The following GLT1D1 variants were observed in gnomAD, a reference collection of about 807,000 sequenced individuals.
GLT1D1 encodes glycosyltransferase 1 domain containing 1, also known as glycosyltransferase 1 domain-containing protein 1.
GLT1D1 carries 21 observed loss-of-function variants against 28.7 expected under a neutral mutation model. That is an observed-to-expected ratio of 0.73 (90% CI 0.52 to 1.05). GLT1D1 has a LOEUF of 1.05. Among genes scored for constraint, GLT1D1 ranks in the 50% least tolerant of loss-of-function variants. The pLI, the probability that GLT1D1 is intolerant of heterozygous loss-of-function variation, is 0.00. For synonymous variants in GLT1D1, 147 were observed against 124.8 expected (o/e 1.18, Z -1.19); for missense variants, 343 against 330.6 (o/e 1.04, Z -0.29).
chr12:128,881,223 C>CAA (rs35871795), intron 2 of GLT1D1, among the ~76,000 whole-genome samples: 155 of 73,552 alleles, frequency 2.1e-3, no homozygotes, highest in East Asian at 0.014. Flanking sequence ...GACTCCGTTT[C>CAA]AAAAAAAAAA....
chr12:128,907,009 CG>C (rs1322414983), intron 4 of GLT1D1: 8 of 700,442 alleles, frequency 1.1e-5, no homozygotes, highest in Non-Finnish European at 1.8e-5. Context: ...GAATGAGCTG[CG>C]TGTCTCCTTA....
chr12:128,889,523 C>T (rs954944906), intron 3 of GLT1D1, among the ~76,000 whole-genome samples: 1 of 152,168 alleles, frequency 6.6e-6, no homozygotes, highest in African/African-American at 2.4e-5. Flanking sequence ...CCACAACTAC[C>T]TTAGTATGTC....
intron 4 of GLT1D1, among the ~76,000 whole-genome samples, chr12:128,908,842 G>C (rs1007885909): frequency 4.6e-5 from 7 of 152,046 alleles, no homozygotes; most frequent in African/African-American, 1.7e-4. Context: ...CCAGCTACTC[G>C]GGAGGCTGAG....
intron 4 of GLT1D1, among the ~76,000 whole-genome samples, chr12:128,937,965 G>T (rs997378152): frequency 1.3e-5 from 2 of 152,200 alleles, no homozygotes; most frequent in Non-Finnish European, 2.9e-5. Flanking sequence ...TACGGACACG[G>T]TTGGGGTATA....
At position 128,899,247 on chromosome 12, in the gene GLT1D1, C is replaced by T; in HGVS notation, c.335C>T (p.Ala112Val). The T allele has an allele frequency of 6.2e-7, 1 of 1,612,970 alleles. No homozygotes were observed. The highest frequency in any genetic ancestry group is 2.2e-5 in the East Asian group (1 of 44,888). Residue 112 changes from alanine (A) to valine (V), a missense_variant, in exon 4 of 8, where the codon GCT (alanine) becomes GTT (valine). By Grantham distance (64) the Ala-to-Val change is moderately conservative. Coordinates refer to ENST00000281703, the MANE Select transcript of GLT1D1 (RefSeq NM_144669.3). ...TGTTCATTTACTAGATTTGCTGTCGCTTTCACAGAGTCAATGAAGGAAATG... is the reference window on the plus strand; with the variant it reads ...TGTTCATTTACTAGATTTGCTGTCGTTTTCACAGAGTCAATGAAGGAAATG...
At chr12:128,956,604 A>T (rs1334325660) in intron 6 of GLT1D1, among the ~76,000 whole-genome samples, 1 of 152,140 alleles carries the variant, frequency 6.6e-6, no homozygotes, top group Non-Finnish European at 1.5e-5. Context: ...CACTTATTAC[A>T]CTGGGGGTTA....
At chr12:128,916,304 C>T (rs936414179) in intron 4 of GLT1D1, among the ~76,000 whole-genome samples, 7 of 152,076 alleles carry the variant, frequency 4.6e-5, no homozygotes, top group East Asian at 1.9e-4. Flanking sequence ...CATTTTTAAC[C>T]GTTACAAATA....
chr12:128,978,389 C>T (rs776106024), intron 7 of GLT1D1, among the ~76,000 whole-genome samples: 25 of 152,148 alleles, frequency 1.6e-4, no homozygotes, highest in Non-Finnish European at 3.2e-4. Context: ...AGGGCGGGCA[C>T]GGCTCTCCTC....
chr12:128,967,034 C>A (rs1253390905), intron 7 of GLT1D1, among the ~76,000 whole-genome samples: 5 of 152,124 alleles, frequency 3.3e-5, no homozygotes, highest in Non-Finnish European at 2.9e-5. Context: ...AATTAAAATC[C>A]ATTTGACATT....
intron 7 of GLT1D1, among the ~76,000 whole-genome samples, chr12:128,968,444 G>T (rs978112581): frequency 6.6e-6 from 1 of 151,748 alleles, no homozygotes; most frequent in African/African-American, 2.4e-5. Flanking sequence ...GCTGAGGCAG[G>T]TGGATCACTT....
chr12:128,977,639 G>A lies in GLT1D1; in HGVS notation c.640-5290G>A, dbSNP rs185056624. Among the ~76,000 whole-genome samples, 12 of 152,250 alleles carry A rather than the reference G, an allele frequency of 7.9e-5. No individual in the cohort carries two copies. The East Asian group carries it at 1.9e-3, about 25-fold the overall frequency. On this transcript the variant is annotated intron_variant, in intron 7 of 7. Coordinates refer to ENST00000281703, the MANE Select transcript of GLT1D1 (RefSeq NM_144669.3). ...CTGCTGGGCCCCGGAAGGCATTTGC[G>A]TTTCCCACCGCTGATCAGGAACAGG...
At chr12:128,912,282 C>A in intron 4 of GLT1D1, 142 bp from the exon 5 acceptor site, 1 of 486,512 alleles carries the variant, frequency 2.1e-6, no homozygotes, top group Non-Finnish European at 3.6e-6. Context: ...AGTAATAAGT[C>A]TATGAGCAGC....
intron 5 of GLT1D1, 86 bp from the exon 10 acceptor site, chr12:128,947,252 C>A: frequency 6.7e-7 from 1 of 1,493,884 alleles, no homozygotes; most frequent in Non-Finnish European, 9.3e-7. Flanking sequence ...TAGAGTATTA[C>A]ACCCAAATTG....
intron 5 of GLT1D1, among the ~76,000 whole-genome samples, chr12:128,946,139 T>C (rs1288720121): frequency 6.6e-6 from 1 of 152,106 alleles, no homozygotes; most frequent in Non-Finnish European, 1.5e-5. Context: ...AAGTATCACC[T>C]GCTCGGGGAA....
intron 4 of GLT1D1, among the ~76,000 whole-genome samples, chr12:128,921,093 C>T (rs1282919399): frequency 6.6e-6 from 1 of 152,104 alleles, no homozygotes; most frequent in East Asian, 1.9e-4. Flanking sequence ...AACACTTGAT[C>T]AGGATTTTTC....
intron 4 of GLT1D1, chr12:128,944,249 T>C: frequency 1.8e-6 from 1 of 549,372 alleles, no homozygotes; most frequent in South Asian, 1.7e-5. Flanking sequence ...TTACTACTAA[T>C]AGTTCCACAC....
intron 4 of GLT1D1, among the ~76,000 whole-genome samples, chr12:128,908,687 C>G (rs1003784027): frequency 1.3e-5 from 2 of 151,968 alleles, no homozygotes; most frequent in Non-Finnish European, 2.9e-5. Flanking sequence ...CGGTGGCTCA[C>G]GCCTGTAATC....
intron 5 of GLT1D1, among the ~76,000 whole-genome samples, chr12:128,946,722 C>CGG (rs1876148991): frequency 7.6e-6 from 1 of 132,234 alleles, no homozygotes; most frequent in African/African-American, 2.9e-5. Context: ...AATCTCAGCT[C>CGG]ACTGCAATCT....
At chr12:128,883,400 G>A (rs1325583820) in intron 2 of GLT1D1, among the ~76,000 whole-genome samples, 1 of 148,540 alleles carries the variant, frequency 6.7e-6, no homozygotes, top group African/African-American at 2.5e-5. Context: ...GACCAGCCTG[G>A]CCAACACGGT....
Sources: gnomAD v4.1 joint callset for allele counts (sites outside exome capture counted in the v4.1 genomes callset) on GRCh38, gnomAD v4.1.1 for gene constraint, MANE v1.5 for transcripts, NCBI Gene and HGNC (gene_info 2026-07-23, HGNC 2026-07-21) for gene names.